Variants in BRAP observed in about 807,000 individuals in gnomAD.
BRAP encodes the protein BRCA1-associated protein.
In BRAP, 42 loss-of-function variants were observed where a neutral mutation model predicts 73.4. The ratio of observed to expected loss-of-function variants is 0.57; its 90% CI spans 0.45 to 0.74. The LOEUF (loss-of-function observed/expected upper bound fraction) is 0.74. Ranked by LOEUF, BRAP falls within the 30% of genes least tolerant of loss-of-function variation. BRAP has a pLI of 0.00. For missense variants in BRAP, 593 were observed against 751.4 expected, an observed-to-expected ratio of 0.79 and a Z score of 2.46; for synonymous variants, 255 against 267.4, an observed-to-expected ratio of 0.95 and a Z score of 0.45.
In BRAP at chr12:111,685,922, G is replaced by A. The variant is rs1033850136; in HGVS notation, c.-130C>T. The A allele has an allele frequency of 3.0e-5, 15 of 494,704 alleles. No homozygotes were observed. The highest frequency in any genetic ancestry group is 2.6e-4 in the African/African-American group (13 of 49,058). The allele number at this position is 494,704 out of a possible 1,614,324, so 30.6% of individuals were successfully genotyped here. On this transcript the variant is annotated 5_prime_UTR_variant, in exon 1 of 12. Coordinates refer to ENST00000419234, the MANE Select transcript of BRAP (RefSeq NM_006768.5). ...TGCAGTTGCCGCCGCCTCAGCAGCA[G>A]CAGCTCCTCGAACAGCCCTCGGAGC...
At chr12:111,667,698 CAAAAAAA>C (rs565349424) in intron 5 of BRAP, among the ~76,000 whole-genome samples, 28 of 21,288 alleles carry the variant, frequency 1.3e-3, no homozygotes, top group East Asian at 0.01. Context: ...AACTCCGTCT[CAAAAAAA>C]AAAAAAAAAA....
At chr12:111,669,954 G>A in intron 5 of BRAP, 2 of 631,914 alleles carry the variant, frequency 3.2e-6, no homozygotes, top group South Asian at 1.7e-5. Flanking sequence ...AAGGAGTTTG[G>A]TCCAGCTGAT....
In BRAP at chr12:111,658,719, C is replaced by G. The variant is rs1331608033; in HGVS notation, c.1221+17G>C. 6.8e-7 allele frequency: 1 copy of G among 1,467,382 alleles called. No individual in the cohort carries two copies. The highest frequency in any genetic ancestry group is 9.5e-7 in the Non-Finnish European group (1 of 1,050,296). 90.9% of individuals were successfully genotyped at this position (1,467,382 alleles called of 1,614,324 possible). ...GCAGTAGAAACAGATAGAGTGATAA[C>G]TCATTAAATCTCTTACCTCTAACTG... is the stretch of plus-strand genomic sequence containing the variant. On this transcript the variant is annotated intron_variant, in intron 9 of 11. Coordinates refer to ENST00000419234, the MANE Select transcript of BRAP (RefSeq NM_006768.5).
chr12:111,680,942 T>C (rs1418960339), intron 3 of BRAP, among the ~76,000 whole-genome samples: 1 of 152,166 alleles, frequency 6.6e-6, no homozygotes, highest in Non-Finnish European at 1.5e-5. Flanking sequence ...GGTAATAAAA[T>C]TGTAATGAGT....
At chr12:111,655,290 T>C (rs1886484251) in intron 10 of BRAP, among the ~76,000 whole-genome samples, 1 of 151,746 alleles carries the variant, frequency 6.6e-6, no homozygotes, top group African/African-American at 2.4e-5. Context: ...ACTTCTATGT[T>C]TTTAGTGGAA....
chr12:111,663,624 G>A (rs564183681), intron 6 of BRAP, among the ~76,000 whole-genome samples: 44 of 152,150 alleles, frequency 2.9e-4, no homozygotes, highest in Middle Eastern at 6.8e-3. Flanking sequence ...CCCTTCCTGA[G>A]TACCCCTGGT....
At chr12:111,646,842 T>C (rs1886129110) in intron 11 of BRAP, among the ~76,000 whole-genome samples, 1 of 152,218 alleles carries the variant, frequency 6.6e-6, no homozygotes, top group South Asian at 2.1e-4. Flanking sequence ...TAGGAATTTA[T>C]ACCATAGAAT....
intron 4 of BRAP, chr12:111,673,026 T>G (rs1887238492): frequency 2.5e-6 from 1 of 406,132 alleles, no homozygotes; most frequent in African/African-American, 2.0e-5. Context: ...CAGAAGGTAC[T>G]GAAGTGCAAC....
At chr12:111,675,317 G>T (rs796549998) in intron 4 of BRAP, among the ~76,000 whole-genome samples, 5 of 151,892 alleles carry the variant, frequency 3.3e-5, no homozygotes, top group African/African-American at 1.2e-4. Flanking sequence ...AGTTGTCATG[G>T]TGGCCTACAC....
intron 10 of BRAP, among the ~76,000 whole-genome samples, chr12:111,650,889 T>TAAAA (rs1886294095): frequency 6.6e-6 from 1 of 152,184 alleles, no homozygotes; most frequent in African/African-American, 2.4e-5. Context: ...TACACAGCCT[T>TAAAA]AAAAACATAA....
intron 3 of BRAP, among the ~76,000 whole-genome samples, chr12:111,679,629 A>G (rs1339948429): frequency 1.3e-5 from 2 of 151,956 alleles, no homozygotes; most frequent in Non-Finnish European, 2.9e-5. Flanking sequence ...TAATCCCAGC[A>G]CTTTGGCAGG....
chr12:111,655,092 G>A lies in BRAP; in HGVS notation c.1311+474C>T, dbSNP rs141097752. Among the ~76,000 whole-genome samples the A allele has an allele frequency of 4.9e-3, 740 of 152,104 alleles. 10 individuals carry two copies. The highest frequency in any genetic ancestry group is 0.017 in the African/African-American group (704 of 41,498). ...GGCATCTTTTTTAAAGGACTATTTT[G>A]TTAAAATTTGAAAACTGCTGCCCTA... On this transcript the variant is annotated intron_variant, in intron 10 of 11. Transcript: ENST00000419234.
chr12:111,662,574 C>T (rs1886796035), intron 6 of BRAP, among the ~76,000 whole-genome samples: 1 of 151,730 alleles, frequency 6.6e-6, no homozygotes, highest in African/African-American at 2.4e-5. Flanking sequence ...TAACTAGTAA[C>T]AGTTACCCAA....
intron 8 of BRAP, 60 bp downstream of exon 8, chr12:111,659,147 T>C (rs1886644934): frequency 6.4e-7 from 1 of 1,563,734 alleles, no homozygotes; most frequent in Non-Finnish European, 8.7e-7. Context: ...AGTGAAGGCG[T>C]TGTGAAGGCA....
intron 3 of BRAP, among the ~76,000 whole-genome samples, chr12:111,680,917 A>T (rs1205915459): frequency 6.6e-6 from 1 of 152,198 alleles, no homozygotes; most frequent in African/African-American, 2.4e-5. Context: ...GAACCACAGA[A>T]AATGGTAAAA....
At chr12:111,669,805 CT>C (rs1887099324) in intron 5 of BRAP, 9 of 517,672 alleles carry the variant, frequency 1.7e-5, no homozygotes, top group Non-Finnish European at 3.0e-5. Context: ...GAAACTGTTC[CT>C]TTTAAGTTTA....
chr12:111,660,501 A>C (rs1886705446), intron 7 of BRAP, 99 bp downstream of exon 7: 1 of 1,054,830 alleles, frequency 9.5e-7, no homozygotes, highest in Non-Finnish European at 1.3e-6. Flanking sequence ...AAAAATAAAA[A>C]ATAAATTAAA....
chr12:111,685,513 G>A, intron 1 of BRAP, 198 bp downstream of exon 1: 1 of 1,258,500 alleles, frequency 7.9e-7, no homozygotes, highest in Non-Finnish European at 1.0e-6. Context: ...AGGGAGGTTC[G>A]GGGCAGGGCT....
At chr12:111,645,065 A>ATTAT (rs1031860794) in intron 11 of BRAP, among the ~76,000 whole-genome samples, 2 of 149,526 alleles carry the variant, frequency 1.3e-5, no homozygotes, top group Non-Finnish European at 3.0e-5. Context: ...CCACAAGTGT[A>ATTAT]TTATTTATTT....
Sources: gnomAD v4.1 joint callset for allele counts (sites outside exome capture counted in the v4.1 genomes callset) on GRCh38, gnomAD v4.1.1 for gene constraint, MANE v1.5 for transcripts, NCBI Gene and HGNC (gene_info 2026-07-23, HGNC 2026-07-21) for gene names.